The following SPATA9 variants were observed in gnomAD, a reference collection of about 807,000 sequenced individuals.
SPATA9 encodes spermatogenesis associated 9.
A neutral mutation model predicts 25.5 loss-of-function variants in SPATA9; 27 were observed. The ratio of observed to expected loss-of-function variants is 1.06; its 90% CI spans 0.78 to 1.46. The LOEUF is 1.46. SPATA9 is among the 40% of genes most tolerant of loss of function. The pLI is 0.00. For synonymous variants in SPATA9, 102 were observed against 105.7 expected (o/e 0.97, Z 0.21); for missense variants, 282 against 297.5 (o/e 0.95, Z 0.38).
chr5:95,700,761 A>T (rs1754164018), upstream of SPATA9, among the ~76,000 whole-genome samples: 1 of 152,204 alleles, frequency 6.6e-6, no homozygotes, highest in South Asian at 2.1e-4. Flanking sequence ...ATAGTACAAT[A>T]TCAAAACCAG....
chr5:95,694,961 G>C (rs1256826893), intron 1 of SPATA9, among the ~76,000 whole-genome samples: 1 of 152,076 alleles, frequency 6.6e-6, no homozygotes, highest in African/African-American at 2.4e-5. Flanking sequence ...ACTAATTATT[G>C]AAAGCTACTA....
chr5:95,660,216 C>T (rs1751142042), intron 4 of SPATA9, among the ~76,000 whole-genome samples: 1 of 152,108 alleles, frequency 6.6e-6, no homozygotes, highest in Admixed American at 6.6e-5. Context: ...TACCTTCTAT[C>T]TATGTCCTCA....
intron 3 of SPATA9, among the ~76,000 whole-genome samples, chr5:95,665,633 A>G (rs987783318): frequency 1.3e-5 from 2 of 151,214 alleles, no homozygotes; most frequent in Non-Finnish European, 2.9e-5. Context: ...TTGGACACGT[A>G]GGTTGATTCT....
At chr5:95,662,469 C>A (rs111847948) in intron 4 of SPATA9, among the ~76,000 whole-genome samples, 1,989 of 152,232 alleles carry the variant, frequency 0.013, 45 homozygotes, top group African/African-American at 0.046. Flanking sequence ...CCAAGCTGGT[C>A]TCAAACTCCT....
downstream of SPATA9, chr5:95,654,080 G>C (rs1361057433): frequency 6.2e-7 from 1 of 1,610,822 alleles, no homozygotes; most frequent in Non-Finnish European, 8.5e-7. Context: ...TGATGGCTCT[G>C]CACAAGATCC....
chr5:95,702,432 C>T (rs1561423621), upstream of SPATA9, among the ~76,000 whole-genome samples: 1 of 152,178 alleles, frequency 6.6e-6, no homozygotes, highest in Admixed American at 6.5e-5. Flanking sequence ...CCCCAGTTTA[C>T]AGAAGCTCAG....
At chr5:95,674,959 T>C (rs2112640242) in intron 3 of SPATA9, among the ~76,000 whole-genome samples, 1 of 152,320 alleles carries the variant, frequency 6.6e-6, no homozygotes, top group South Asian at 2.1e-4. Flanking sequence ...AAAAAAGTTT[T>C]AAGAGTTGTT....
the SPATA9 span, among the ~76,000 whole-genome samples, chr5:95,711,558 C>T: frequency 3.1e-3 from 478 of 152,264 alleles, 6 homozygotes; most frequent in East Asian, 0.033. Context: ...TTCCTCCCGC[C>T]GCGGCCGCAG....
the SPATA9 span, chr5:95,731,092 T>G: frequency 9.1e-7 from 1 of 1,104,144 alleles, no homozygotes; most frequent in Non-Finnish European, 1.1e-6. Context: ...GATTGGCGGC[T>G]GGGAGCTCTC....
chr5:95,658,716 A>G lies in SPATA9; in HGVS notation c.672T>C (p.Asp224=). 1 of 1,613,806 alleles carries G rather than the reference A, an allele frequency of 6.2e-7. No homozygotes were observed. Residue 224 remains aspartate (D), a synonymous_variant, in exon 5 of 5, where the codon GAT becomes GAC. Coordinates refer to ENST00000274432, the MANE Select transcript of SPATA9 (RefSeq NM_031952.4). The part of the protein sequence containing the change: ...RSLPEKPDIS[D]YPKLLANKQS... ...GCTTATTAGCAAGAAGCTTGGGGTA[A>G]TCTGAAATGTCTGGCTTCTCCGGCA...
In SPATA9 at chr5:95,682,932, GAA is replaced by G; in HGVS notation, c.-80_-79del. 1 of 1,416,878 alleles carries G rather than the reference GAA, an allele frequency of 7.1e-7. No individual in the cohort carries two copies. The highest frequency in any genetic ancestry group is 9.2e-7 in the Non-Finnish European group (1 of 1,083,330). The allele number at this position is 1,416,878 out of a possible 1,614,324, so 87.8% of individuals were successfully genotyped here. ...ATGCTTGTCCTAGTCTGCCATTAGT[GAA>G]AGATGAGGGTAGCCTTCCACTTGGG... is the stretch of plus-strand genomic sequence containing the variant. On this transcript the variant is annotated 5_prime_UTR_variant, in exon 1 of 5. Coordinates refer to ENST00000274432, the MANE Select transcript of SPATA9 (RefSeq NM_031952.4).
rs1214633558 is a variant in SPATA9, at chr5:95,669,349, A to G, written c.379-5301T>C. Among the ~76,000 whole-genome samples, 3 of 152,176 alleles carry G rather than the reference A, an allele frequency of 2.0e-5. No individual in the cohort carries two copies. The East Asian group carries it at 5.8e-4, about 29-fold the overall frequency. ...CTCATGGCAGGCCCATGTGGGACCT[A>G]CAGAACTTCCTGATATTTATGAGGT... On this transcript the variant is annotated intron_variant, in intron 3 of 4. Transcript: ENST00000274432.
chr5:95,654,123 G>A, downstream of SPATA9: 2 of 1,611,414 alleles, frequency 1.2e-6, no homozygotes, highest in Middle Eastern at 2.2e-4. Context: ...GTGTGTGTGG[G>A]CAGAGAAGAT....
chr5:95,719,649 C>A, the SPATA9 span: 1 of 152,190 alleles, frequency 6.6e-6, no homozygotes, highest in African/African-American at 2.4e-5. Flanking sequence ...CATACCTGTT[C>A]AGAGAGTTAT....
At position 95,693,911 on chromosome 5, in the gene SPATA9, A is replaced by AGAACTTTG. The variant is rs112929598; in HGVS notation, n.124+4669_124+4676dup. Among the ~76,000 whole-genome samples the AGAACTTTG allele has an allele frequency of 2.2e-4, 33 of 152,340 alleles. 3 individuals carry two copies. The highest frequency in any genetic ancestry group is 7.9e-4 in the African/African-American group (33 of 41,576). On this transcript the variant is annotated intron_variant and non_coding_transcript_variant, in intron 1 of 2. Transcript: ENST00000379990. ...CAGGTGGTTCACACCTGTAAATTCC[A>AGAACTTTG]GAACTTTGGGAGGCCAAGGCAGGAG...
the SPATA9 span, among the ~76,000 whole-genome samples, chr5:95,728,565 C>T: frequency 2.0e-5 from 3 of 152,146 alleles, no homozygotes. Context: ...TGCCTTTGTA[C>T]CTATCTCTTT....
chr5:95,702,495 A>G (rs1296028221), upstream of SPATA9, among the ~76,000 whole-genome samples: 2 of 152,194 alleles, frequency 1.3e-5, no homozygotes, highest in East Asian at 1.9e-4. Context: ...CAGAAATAAA[A>G]TAAGAACCAA....
chr5:95,731,994 G>A, the SPATA9 span: 24 of 1,614,172 alleles, frequency 1.5e-5, no homozygotes, highest in East Asian at 4.2e-4. Flanking sequence ...TGCTGAACGC[G>A]GCCAGCACGG....
At chr5:95,683,569 G>A (rs1410346529), upstream of SPATA9, among the ~76,000 whole-genome samples, 1 of 151,984 alleles carries the variant, frequency 6.6e-6, no homozygotes, top group Non-Finnish European at 1.5e-5. Flanking sequence ...ATGGAGTCTT[G>A]CCCTGTTGCC....
Sources: allele counts gnomAD v4.1 joint callset (sites outside exome capture counted in the v4.1 genomes callset), GRCh38; gene constraint gnomAD v4.1.1; transcripts MANE v1.5; gene names NCBI Gene and HGNC (gene_info 2026-07-23, HGNC 2026-07-21).